Variants in FOXN4 observed in about 807,000 individuals in gnomAD.
FOXN4 encodes the protein forkhead box protein N4.
A neutral mutation model predicts 45.0 loss-of-function variants in FOXN4; 12 were observed. That is an observed-to-expected ratio of 0.27 (90% CI 0.17 to 0.43). The LOEUF (loss-of-function observed/expected upper bound fraction) is 0.43, where lower values mean the gene tolerates loss of function less well. Ranked by LOEUF, FOXN4 falls within the 20% of genes least tolerant of loss-of-function variation. The pLI is 1.00. For missense variants in FOXN4, 560 were observed against 694.9 expected, an observed-to-expected ratio of 0.81 and a Z score of 2.18; for synonymous variants, 297 against 295.0, an observed-to-expected ratio of 1.01 and a Z score of -0.07.
chr12:109,304,561 G>C (rs1404885123), intron 2 of FOXN4, among the ~76,000 whole-genome samples: 1 of 152,210 alleles, frequency 6.6e-6, no homozygotes, highest in African/African-American at 2.4e-5. Context: ...CAGCAGGGCT[G>C]AGAGGCTGCT....
At position 109,281,736 on chromosome 12, in the gene FOXN4, T is replaced by G; in HGVS notation, c.965A>C (p.Glu322Ala). The part of the protein sequence containing the change: ...ESCRRPGKPG[E>A]PEAPVLTHAT... The stretch of plus-strand genomic sequence containing the variant: ...GTGAGTCAGCACGGGGGCCTCTGGT[T>G]CCCCCGGTTTGCCGGGGCGCCGGCA... The change falls in exon 9 of 10, where the codon GAA (glutamate) becomes GCA (alanine). Residue 322 changes from glutamate to alanine, a missense_variant. By Grantham distance (107) the Glu-to-Ala change is moderately radical. Coordinates refer to ENST00000299162, the MANE Select transcript of FOXN4 (RefSeq NM_213596.3). 1 of 1,607,078 alleles carries G rather than the reference T, an allele frequency of 6.2e-7. No individual in the cohort carries two copies. The highest frequency in any genetic ancestry group is 1.1e-5 in the South Asian group (1 of 90,782).
At chr12:109,296,534 C>A (rs2047818641) in intron 2 of FOXN4, among the ~76,000 whole-genome samples, 1 of 152,178 alleles carries the variant, frequency 6.6e-6, no homozygotes, top group South Asian at 2.1e-4. Flanking sequence ...TTCTTCTGAG[C>A]CCAACTGGTG....
chr12:109,308,298 G>T lies in FOXN4; in HGVS notation c.24C>A (p.Ser8=). ...AGTTTCGAATAATTCCTGACATTAT[G>T]GATGAGGTGTCACTTTCTATCATCT... MIESDTS[S]IMSGIIRNSG... is the part of the protein sequence containing the mutation. The change falls in exon 2 of 10, where the codon TCC becomes TCA. Residue 8 remains serine (S), a synonymous_variant. Transcript: ENST00000299162. 1 of 1,551,806 alleles carries T rather than the reference G, an allele frequency of 6.4e-7. No homozygotes were observed. Among genetic ancestry groups the T allele is most frequent in the Non-Finnish European group, 8.7e-7 (1 of 1,146,918 alleles).
At chr12:109,298,239 C>A (rs2047835447) in intron 2 of FOXN4, among the ~76,000 whole-genome samples, 2 of 151,920 alleles carry the variant, frequency 1.3e-5, no homozygotes, top group Non-Finnish European at 2.9e-5. Context: ...CCGTCCCAGA[C>A]CTATCCAAGC....
At chr12:109,293,131 C>T (rs1459163024) in intron 2 of FOXN4, among the ~76,000 whole-genome samples, 1 of 152,184 alleles carries the variant, frequency 6.6e-6, no homozygotes, top group Non-Finnish European at 1.5e-5. Flanking sequence ...AGGCTCACTG[C>T]AAAGTCTGAC....
intron 2 of FOXN4, among the ~76,000 whole-genome samples, chr12:109,300,657 G>A (rs531586058): frequency 2.2e-4 from 33 of 152,224 alleles, no homozygotes; most frequent in Non-Finnish European, 4.1e-4. Flanking sequence ...GCTTGTAATC[G>A]AAGCGCTTTG....
chr12:109,295,079 G>GATA (rs377188697), intron 2 of FOXN4, among the ~76,000 whole-genome samples: 14 of 152,136 alleles, frequency 9.2e-5, no homozygotes, highest in African/African-American at 3.4e-4. Context: ...GGGCATGAGT[G>GATA]ATAATAATAA....
rs1199491418 is a variant in FOXN4 at position 109,297,047 on chromosome 12, GGAACCAGGA to G, written c.87-6770_87-6762del. ...TAGGGTCACCCAGCCAGGGAGCTGT[GGAACCAGGA>G]GATCCACCTCCAGAGACTGGGTTGG... On this transcript the variant is annotated intron_variant, in intron 2 of 9. Coordinates refer to ENST00000299162, the MANE Select transcript of FOXN4 (RefSeq NM_213596.3). 3.3e-5 allele frequency among the ~76,000 whole-genome samples: 5 copies of G among 152,240 alleles called. No homozygotes were observed. The East Asian group carries it at 9.6e-4, about 29-fold the overall frequency.
intron 2 of FOXN4, among the ~76,000 whole-genome samples, chr12:109,306,228 T>C (rs982392600): frequency 1.3e-5 from 2 of 152,280 alleles, no homozygotes. Flanking sequence ...ACTGATTATG[T>C]GTTTCTTGCT....
chr12:109,299,142 G>A (rs1015465844), intron 2 of FOXN4, among the ~76,000 whole-genome samples: 3 of 152,062 alleles, frequency 2.0e-5, no homozygotes, highest in Non-Finnish European at 4.4e-5. Flanking sequence ...GGTGAGCAGA[G>A]AGCTTTTTGG....
At chr12:109,305,593 G>A (rs868051558) in intron 2 of FOXN4, among the ~76,000 whole-genome samples, 11 of 152,160 alleles carry the variant, frequency 7.2e-5, no homozygotes, top group Admixed American at 5.9e-4. Context: ...AGCCAGGCAC[G>A]GTTGCTCTCG....
In FOXN4 at chr12:109,287,632, T is replaced by C. The variant is rs1334233355; in HGVS notation, c.469-108A>G. 1.5e-6 allele frequency: 2 copies of C among 1,374,822 alleles called. No individual in the cohort carries two copies. Among genetic ancestry groups the C allele is most frequent in the East Asian group, 5.1e-5 (2 of 39,424 alleles). The allele number at this position is 1,374,822 out of a possible 1,614,324, so 85.2% of individuals were successfully genotyped here. On this transcript the variant is annotated intron_variant, in intron 5 of 9. Transcript: ENST00000299162. This position sits in a 1 kb window ranked among gnomAD's most constrained non-coding sequence, Gnocchi z 4.1. ...TCCCCACCCCAGTTTCAAAACACCT[T>C]GTGTGGGGATTCACAACCGTCCAGG...
chr12:109,291,003 C>T lies in FOXN4; in HGVS notation c.87-717G>A, dbSNP rs1260781685. Among the ~76,000 whole-genome samples the T allele has an allele frequency of 6.6e-6, 1 of 152,130 alleles. No homozygotes were observed. The highest frequency in any genetic ancestry group is 2.4e-5 in the African/African-American group (1 of 41,438). ...GAGGCTTGGAGCACCGAGTCACCTG[C>T]CCAAGGCGACACAGAACAGGAGGTG... On this transcript the variant is annotated intron_variant, in intron 2 of 9. Coordinates refer to ENST00000299162, the MANE Select transcript of FOXN4 (RefSeq NM_213596.3). The surrounding 1 kb of genome is among the most constrained non-coding windows in gnomAD (Gnocchi z 6.6).
rs1007199950 is a variant in FOXN4 at position 109,290,101 on chromosome 12, A to G, written c.232+40T>C. The G allele has an allele frequency of 4.0e-6, 6 of 1,508,384 alleles. No homozygotes were observed. Among genetic ancestry groups the G allele is most frequent in the African/African-American group, 1.4e-5 (1 of 72,286 alleles). The allele number at this position is 1,508,384 out of a possible 1,614,324, so 93.4% of individuals were successfully genotyped here. A position where few individuals can be genotyped will look rare whatever the true frequency, so the allele number is the denominator to read the frequency against. On this transcript the variant is annotated intron_variant, in intron 3 of 9. Coordinates refer to ENST00000299162, the MANE Select transcript of FOXN4 (RefSeq NM_213596.3). The surrounding 1 kb of genome is among the most constrained non-coding windows in gnomAD (Gnocchi z 5.1). ...CAGGGCTGGGAATCACCCCTCTCCTATATCACCCTCCTCCCTGCCTACCTT... is the reference window on the plus strand; with the variant it reads ...CAGGGCTGGGAATCACCCCTCTCCTGTATCACCCTCCTCCCTGCCTACCTT...
At chr12:109,305,420 T>A (rs2047912651) in intron 2 of FOXN4, among the ~76,000 whole-genome samples, 2 of 152,172 alleles carry the variant, frequency 1.3e-5, no homozygotes, top group African/African-American at 4.8e-5. Flanking sequence ...TTCTGGATAC[T>A]CTGGCTGTTG....
At chr12:109,293,916 G>A (rs2047792891) in intron 2 of FOXN4, among the ~76,000 whole-genome samples, 2 of 152,214 alleles carry the variant, frequency 1.3e-5, no homozygotes, top group Admixed American at 6.5e-5. Flanking sequence ...TCCCAGGACA[G>A]GGACAGAGAG....
intron 2 of FOXN4, among the ~76,000 whole-genome samples, chr12:109,292,393 C>T (rs757974962): frequency 6.6e-6 from 1 of 152,152 alleles, no homozygotes; most frequent in Non-Finnish European, 1.5e-5. Context: ...GTAAACCTAA[C>T]AGGCAGTACT....
chr12:109,288,781 C>T lies in FOXN4; in HGVS notation c.233-601G>A, dbSNP rs1825632555. On this transcript the variant is annotated intron_variant, in intron 3 of 9. Coordinates refer to ENST00000299162, the MANE Select transcript of FOXN4 (RefSeq NM_213596.3). This position sits in a 1 kb window ranked among gnomAD's most constrained non-coding sequence, Gnocchi z 4.3. The stretch of plus-strand genomic sequence containing the variant: ...ACTGCTCTAGCCTGATTTTAGGCAG[C>T]CACCTCCAATCAAGCAAAGTTGACC... Among the ~76,000 whole-genome samples, 1 of 152,192 alleles carries T rather than the reference C, an allele frequency of 6.6e-6. No individual in the cohort carries two copies. The highest frequency in any genetic ancestry group is 1.5e-5 in the Non-Finnish European group (1 of 68,038).
intron 2 of FOXN4, among the ~76,000 whole-genome samples, chr12:109,296,612 C>T (rs532760604): frequency 1.1e-3 from 172 of 152,250 alleles, no homozygotes; most frequent in African/African-American, 4.0e-3. Flanking sequence ...AGGGAGGAGA[C>T]CAGGACAGGA....
Sources: allele counts gnomAD v4.1 joint callset (sites outside exome capture counted in the v4.1 genomes callset), GRCh38; gene constraint gnomAD v4.1.1; non-coding constraint Gnocchi (gnomAD v3.1); transcripts MANE v1.5; gene names NCBI Gene and HGNC (gene_info 2026-07-23, HGNC 2026-07-21).